TTC17: variants seen among roughly 807,000 people sequenced by gnomAD.
TTC17 encodes the protein tetratricopeptide repeat protein 17.
Under a neutral mutation model 143.8 loss-of-function variants are expected in TTC17, and 58 were observed. The observed-to-expected ratio is 0.40, with a 90% CI of 0.33 to 0.50. TTC17 has a LOEUF of 0.50. TTC17 is among the 20% of genes least tolerant of loss of function. The probability of loss-of-function intolerance (pLI) is 0.49; values close to 1 mark genes in which losing one functional copy is unlikely to be tolerated. For missense variants in TTC17, 1,273 were observed against 1,392.5 expected (o/e 0.91, Z 1.37); for synonymous variants, 501 against 497.8 (o/e 1.01, Z -0.09).
chr11:43,440,833 CTTA>C (rs1470833196), intron 16 of TTC17, among the ~76,000 whole-genome samples: 1 of 152,140 alleles, frequency 6.6e-6, no homozygotes, highest in Non-Finnish European at 1.5e-5. Context: ...TCCTCAGTAT[CTTA>C]TTTGTTACTA....
At chr11:43,441,020 A>G (rs979604161) in intron 16 of TTC17, among the ~76,000 whole-genome samples, 1 of 151,812 alleles carries the variant, frequency 6.6e-6, no homozygotes, top group African/African-American at 2.4e-5. Flanking sequence ...CCTGAATCCA[A>G]GCACTTAGAG....
chr11:43,472,292 A>G lies in TTC17; in HGVS notation c.3031-17947A>G, dbSNP rs981527200. Among the ~76,000 whole-genome samples the G allele has an allele frequency of 5.3e-5, 8 of 152,176 alleles. No individual in the cohort carries two copies. The South Asian group carries it at 1.0e-3, about 20-fold the overall frequency. Reference sequence around the variant, plus strand: ...TAGGAGTTTGAGGCTGCAGTGAGCTATGATTGTACCATTTCCCTCCAGCCT... The same window carrying G: ...TAGGAGTTTGAGGCTGCAGTGAGCTGTGATTGTACCATTTCCCTCCAGCCT... On this transcript the variant is annotated intron_variant, in intron 21 of 23. Coordinates refer to ENST00000039989, the MANE Select transcript of TTC17 (RefSeq NM_018259.6).
chr11:43,390,996 C>T (rs1157588672), intron 3 of TTC17, among the ~76,000 whole-genome samples: 5 of 152,166 alleles, frequency 3.3e-5, no homozygotes, highest in Non-Finnish European at 7.3e-5. Flanking sequence ...AATTCAAACT[C>T]CCAAAATGTT....
Position 43,379,273 on chromosome 11 carries a change from T to G in TTC17, c.200T>G (p.Val67Gly), listed in dbSNP as rs545587298. Residue 67 changes from valine to glycine, a missense_variant, in exon 2 of 24, where the codon GTC (valine) becomes GGC (glycine). Physicochemically the swap from Val to Gly is moderately radical, Grantham distance 109 (BLOSUM62 -3). Around this residue, in one of 3 missense-constraint regions of TTC17, gnomAD observed 325 missense variants for 444.2 expected, o/e 0.73. Coordinates refer to ENST00000039989, the MANE Select transcript of TTC17 (RefSeq NM_018259.6). ...AACTTGAAGCATCCTCATGACCTAG[T>G]CATATTAATGAGACAAGAAGCAACA... ...PMNLKHPHDL[V>G]ILMRQEATVN... 1 of 1,612,594 alleles carries G rather than the reference T, an allele frequency of 6.2e-7. No homozygotes were observed. The highest frequency in any genetic ancestry group is 1.1e-5 in the South Asian group (1 of 90,760).
At chr11:43,458,368 C>T (rs944953273) in intron 21 of TTC17, among the ~76,000 whole-genome samples, 7 of 152,120 alleles carry the variant, frequency 4.6e-5, no homozygotes, top group Non-Finnish European at 8.8e-5. Flanking sequence ...GTAATAAGCA[C>T]GTGATGGGTC....
chr11:43,485,851 T>A (rs191482078), intron 21 of TTC17, among the ~76,000 whole-genome samples: 1 of 151,374 alleles, frequency 6.6e-6, no homozygotes, highest in Admixed American at 6.6e-5. Flanking sequence ...ATGGCACCTT[T>A]GGGAAACAAT....
chr11:43,446,374 G>A (rs564316189), intron 18 of TTC17: 1 of 238,482 alleles, frequency 4.2e-6, no homozygotes, highest in Admixed American at 5.9e-5. Flanking sequence ...CTGTTGTATT[G>A]TAATGATTTG....
chr11:43,406,349 C>T (rs2134590868), intron 13 of TTC17, among the ~76,000 whole-genome samples: 1 of 152,192 alleles, frequency 6.6e-6, no homozygotes, highest in East Asian at 1.9e-4. Flanking sequence ...CTTATCAACC[C>T]TGCTGTGACC....
At chr11:43,362,306 G>A (rs563948438) in intron 1 of TTC17, among the ~76,000 whole-genome samples, 11 of 152,064 alleles carry the variant, frequency 7.2e-5, no homozygotes, top group Admixed American at 2.0e-4. Flanking sequence ...GGCGTGAGCC[G>A]CTGTGCCCGG....
At chr11:43,446,491 G>A (rs1407297801) in intron 18 of TTC17, 3 of 407,508 alleles carry the variant, frequency 7.4e-6, no homozygotes, top group Non-Finnish European at 9.9e-6. Context: ...CTTATAACAG[G>A]TGCTCAATAA....
intron 11 of TTC17, among the ~76,000 whole-genome samples, chr11:43,405,082 TTTC>T (rs1480295472): frequency 6.7e-6 from 1 of 149,988 alleles, no homozygotes; most frequent in Admixed American, 6.6e-5. Context: ...CAGTGACCCA[TTTC>T]TTCTTTTTCT....
At chr11:43,431,224 A>G (rs1029340084) in intron 16 of TTC17, among the ~76,000 whole-genome samples, 5 of 152,208 alleles carry the variant, frequency 3.3e-5, no homozygotes, top group Admixed American at 3.3e-4. Flanking sequence ...ATAGTACTGC[A>G]GTAAACATAC....
intron 21 of TTC17, among the ~76,000 whole-genome samples, chr11:43,471,452 A>G (rs1354935580): frequency 2.0e-5 from 3 of 152,212 alleles, no homozygotes; most frequent in Admixed American, 6.5e-5. Context: ...CCCGTCATCA[A>G]TGCCTAGTTT....
At chr11:43,467,154 C>T (rs1451649275) in intron 21 of TTC17, among the ~76,000 whole-genome samples, 1 of 152,150 alleles carries the variant, frequency 6.6e-6, no homozygotes, top group Non-Finnish European at 1.5e-5. Context: ...CTATATGATT[C>T]AGCAGTTCCA....
intron 21 of TTC17, among the ~76,000 whole-genome samples, chr11:43,480,182 C>CTCAT (rs1348868151): frequency 1.3e-5 from 2 of 152,206 alleles, no homozygotes; most frequent in Non-Finnish European, 2.9e-5. Context: ...TATTCATTCA[C>CTCAT]TCATTCATTT....
At chr11:43,464,023 C>T (rs1947921481) in intron 21 of TTC17, among the ~76,000 whole-genome samples, 1 of 152,122 alleles carries the variant, frequency 6.6e-6, no homozygotes, top group South Asian at 2.1e-4. Flanking sequence ...TGCCTATAAT[C>T]CCAGCACTTT....
At chr11:43,363,665 T>C (rs1420238102) in intron 1 of TTC17, among the ~76,000 whole-genome samples, 1 of 152,220 alleles carries the variant, frequency 6.6e-6, no homozygotes. Flanking sequence ...GAAAACATTC[T>C]TAAAGATTAT....
chr11:43,391,721 C>A, intron 4 of TTC17, 100 bp from the exon 5 acceptor site: 1 of 1,457,746 alleles, frequency 6.9e-7, no homozygotes, highest in Non-Finnish European at 9.2e-7. Context: ...CTTAAAATTC[C>A]AAAATATTAG....
Position 43,405,802 on chromosome 11 carries a change from A to C in TTC17, c.1612A>C (p.Ser538Arg). 6.2e-7 allele frequency: 1 copy of C among 1,613,974 alleles called. No individual in the cohort carries two copies. The highest frequency in any genetic ancestry group is 8.5e-7 in the Non-Finnish European group (1 of 1,179,916). ...TTGTGCCAGGATCCACGAACTCAGC[A>C]GTGATGATTATTCTACAGAAGAAGA... ...NKGLRIHELS[S>R]DDYSTEEEAQ... is the part of the protein sequence containing the mutation. The change falls in exon 13 of 24, where the codon AGT becomes CGT. Residue 538 changes from serine to arginine, a missense_variant. Ser to Arg is a moderately radical substitution (Grantham distance 110). Coordinates refer to ENST00000039989, the MANE Select transcript of TTC17 (RefSeq NM_018259.6).
Sources: gnomAD v4.1 joint callset for allele counts (sites outside exome capture counted in the v4.1 genomes callset) on GRCh38, gnomAD v4.1.1 for gene constraint, gnomAD v4.1.1 regional missense constraint, MANE v1.5 for transcripts, NCBI Gene and HGNC (gene_info 2026-07-23, HGNC 2026-07-21) for gene names.